YLPM1: variants seen among roughly 807,000 people sequenced by gnomAD.
The protein encoded by YLPM1 is YLP motif-containing protein 1.
A neutral mutation model predicts 230.0 loss-of-function variants in YLPM1; 99 were observed. That is an observed-to-expected ratio of 0.43 (90% CI 0.37 to 0.51). The LOEUF is 0.51. YLPM1 is among the 20% of genes least tolerant of loss of function. The pLI, the probability that YLPM1 is intolerant of heterozygous loss-of-function variation, is 0.00. For synonymous variants in YLPM1, 984 were observed against 942.5 expected (o/e 1.04, Z -0.81); for missense variants, 2,592 against 2,707.7 (o/e 0.96, Z 0.95).
Position 74,764,305 on chromosome 14 carries a change from G to C in YLPM1, c.816G>C (p.Lys272Asn). 6.2e-7 allele frequency: 1 copy of C among 1,613,792 alleles called. No homozygotes were observed. Among genetic ancestry groups the C allele is most frequent in the African/African-American group, 1.3e-5 (1 of 75,010 alleles). Residue 272 changes from lysine (K) to asparagine (N), a missense_variant, in exon 1 of 21, where the codon AAG becomes AAC. By Grantham distance (94) the Lys-to-Asn change is moderately conservative. Transcript: ENST00000325680. The part of the protein sequence containing the change: ...QEPLESGAKN[K>N]STEQQQAAPE... ...CTTTGGAGAGTGGGGCCAAAAACAA[G>C]AGTACTGAACAGCAGCAAGCCGCCC...
intron 4 of YLPM1, among the ~76,000 whole-genome samples, chr14:74,796,451 G>A (rs920572446): frequency 6.6e-6 from 1 of 152,128 alleles, no homozygotes; most frequent in African/African-American, 2.4e-5. Flanking sequence ...CAGAGAAGTT[G>A]TCTTTTAAAA....
At position 74,799,571 on chromosome 14, in the gene YLPM1, A is replaced by G; in HGVS notation, c.4274A>G (p.His1425Arg). 6.2e-7 allele frequency: 1 copy of G among 1,613,950 alleles called. No homozygotes were observed. Among genetic ancestry groups the G allele is most frequent in the Non-Finnish European group, 8.5e-7 (1 of 1,179,886 alleles). ...PMAEHMPSSHHSSEMMGSDAS... is the reference protein window; with the variant it reads ...PMAEHMPSSHRSSEMMGSDAS... ...GCGGAACATATGCCCTCCTCACATC[A>G]TTCCTCAGAAATGATGGGGTCCGAT... Residue 1425 changes from histidine (H) to arginine (R), a missense_variant, in exon 5 of 21, where the codon CAT becomes CGT. This residue lies in a region of YLPM1 where 1,862 missense variants were observed against 1,819.8 expected (regional missense o/e 1.02). Transcript: ENST00000325680.
At chr14:74,810,476 A>AT in intron 9 of YLPM1, 56 bp downstream of exon 9, 1 of 1,529,594 alleles carries the variant, frequency 6.5e-7, no homozygotes, top group East Asian at 2.3e-5. Flanking sequence ...CTTAACAGTA[A>AT]AAGTTTAAGA....
intron 4 of YLPM1, among the ~76,000 whole-genome samples, chr14:74,795,652 C>T (rs1156805789): frequency 2.6e-5 from 4 of 152,348 alleles, no homozygotes; most frequent in Middle Eastern, 6.8e-3. Flanking sequence ...GCATCACCTT[C>T]ACTTACCCAA....
rs756522717 is a variant in YLPM1 at position 74,781,606 on chromosome 14, T to G, written c.1563T>G (p.Val521=). The change falls in exon 4 of 21, where the codon GTT becomes GTG. Residue 521 remains valine, a synonymous_variant. Transcript: ENST00000325680. ...ACATGTCAATGCCACCTCCTTTTGT[T>G]CCATATTCTCAGATGCCTCCACCTC... ...MGNMSMPPPF[V]PYSQMPPPLP... 6.2e-7 allele frequency: 1 copy of G among 1,613,900 alleles called. No homozygotes were observed. Among genetic ancestry groups the G allele is most frequent in the Non-Finnish European group, 8.5e-7 (1 of 1,179,880 alleles).
chr14:74,772,445 G>A lies in YLPM1; in HGVS notation c.874-6002G>A, dbSNP rs1265848856. ...AGGATCTGGGCTCACTGCAACCTCC[G>A]CCTCCCAGGTTCAAGCGATTCTCCT... is the stretch of plus-strand genomic sequence containing the variant. On this transcript the variant is annotated intron_variant, in intron 1 of 20. Coordinates refer to ENST00000325680, the MANE Select transcript of YLPM1 (RefSeq NM_019589.3). Among the ~76,000 whole-genome samples, 3 of 150,240 alleles carry A rather than the reference G, an allele frequency of 2.0e-5. No homozygotes were observed. In the Admixed American group the frequency reaches 2.0e-4, roughly 10 times the overall value.
chr14:74,835,546 G>A (rs2091637032), intron 20 of YLPM1, 99 bp downstream of exon 20: 7 of 1,045,650 alleles, frequency 6.7e-6, no homozygotes, highest in South Asian at 1.6e-5. Context: ...CTCTCTTCTT[G>A]TGTTATTTTA....
chr14:74,812,355 C>T (rs1433527648), intron 10 of YLPM1, among the ~76,000 whole-genome samples: 1 of 152,196 alleles, frequency 6.6e-6, no homozygotes, highest in East Asian at 1.9e-4. Flanking sequence ...CTTCCATGTC[C>T]TGTTGCTTAA....
At chr14:74,806,149 G>A (rs1311313683) in intron 6 of YLPM1, among the ~76,000 whole-genome samples, 2 of 150,822 alleles carry the variant, frequency 1.3e-5, no homozygotes, top group Admixed American at 6.6e-5. Flanking sequence ...AAGAGGTCAG[G>A]AGTTCCAGAC....
intron 2 of YLPM1, 115 bp downstream of exon 2, chr14:74,778,798 A>G: frequency 1.2e-6 from 1 of 820,684 alleles, no homozygotes; most frequent in Non-Finnish European, 1.9e-6. Context: ...GTACCTATAA[A>G]GTTGCATTTG....
intron 17 of YLPM1, chr14:74,821,369 C>G (rs572902319): frequency 2.3e-6 from 1 of 434,948 alleles, no homozygotes. Context: ...GAAACTTACC[C>G]TTGTACTCAT....
chr14:74,815,336 C>T (rs1467040750), intron 11 of YLPM1, among the ~76,000 whole-genome samples: 3 of 151,978 alleles, frequency 2.0e-5, no homozygotes, highest in Non-Finnish European at 2.9e-5. Context: ...CTGAGGTGGG[C>T]GGATCACTTG....
chr14:74,794,047 T>C (rs1366829052), intron 4 of YLPM1, among the ~76,000 whole-genome samples: 1 of 152,214 alleles, frequency 6.6e-6, no homozygotes, highest in African/African-American at 2.4e-5. Context: ...TCTTTCAGAA[T>C]GTACAAACAA....
At chr14:74,791,519 A>G (rs1034898015) in intron 4 of YLPM1, among the ~76,000 whole-genome samples, 5 of 152,056 alleles carry the variant, frequency 3.3e-5, no homozygotes, top group African/African-American at 1.2e-4. Context: ...GCTTTTACAC[A>G]TGCTCTTTTC....
chr14:74,778,327 C>T (rs754997722), intron 1 of YLPM1, 120 bp from the exon 2 acceptor site: 21 of 840,936 alleles, frequency 2.5e-5, no homozygotes, highest in Non-Finnish European at 3.7e-5. Context: ...CTCAGTCTAG[C>T]TTTGCCTTTT....
At chr14:74,803,121 T>C (rs1489920698) in intron 6 of YLPM1, among the ~76,000 whole-genome samples, 2 of 151,996 alleles carry the variant, frequency 1.3e-5, no homozygotes, top group African/African-American at 4.8e-5. Flanking sequence ...AGTCCTGTTT[T>C]CCATCTAGGC....
intron 2 of YLPM1, among the ~76,000 whole-genome samples, chr14:74,779,447 T>C (rs970244025): frequency 6.6e-6 from 1 of 152,168 alleles, no homozygotes; most frequent in African/African-American, 2.4e-5. Flanking sequence ...TTAAATGTGA[T>C]AATTCTTGTC....
chr14:74,824,720 C>T (rs1343178642), intron 18 of YLPM1, among the ~76,000 whole-genome samples: 1 of 151,836 alleles, frequency 6.6e-6, no homozygotes, highest in Admixed American at 6.6e-5. Flanking sequence ...AATTAAAAGG[C>T]ATTTATTCTC....
intron 6 of YLPM1, among the ~76,000 whole-genome samples, chr14:74,804,026 G>A (rs1033379828): frequency 2.6e-5 from 4 of 151,980 alleles, no homozygotes; most frequent in Admixed American, 2.6e-4. Context: ...GCGTGGTGGC[G>A]CATGCCTGTA....
Sources: allele counts gnomAD v4.1 joint callset (sites outside exome capture counted in the v4.1 genomes callset), GRCh38; gene constraint gnomAD v4.1.1; regional missense constraint gnomAD v4.1.1; transcripts MANE v1.5; gene names NCBI Gene and HGNC (gene_info 2026-07-23, HGNC 2026-07-21).